Variants in WWOX observed in about 807,000 individuals in gnomAD.
The protein encoded by WWOX is WW domain-containing oxidoreductase.
In WWOX, 69 loss-of-function variants were observed where a neutral mutation model predicts 46.2. The ratio of observed to expected loss-of-function variants is 1.49; its 90% CI spans 1.23 to 1.82. The LOEUF is 1.82. WWOX is among the 40% of genes most tolerant of loss of function. WWOX has a pLI of 0.00. For synonymous variants in WWOX, 359 were observed against 202.6 expected, an observed-to-expected ratio of 1.77 and a Z score of -6.56; for missense variants, 919 against 542.6, an observed-to-expected ratio of 1.69 and a Z score of -6.89.
chr16:78,263,173 G>A (rs370073429), intron 5 of WWOX, among the ~76,000 whole-genome samples: 1 of 152,180 alleles, frequency 6.6e-6, no homozygotes, highest in African/African-American at 2.4e-5. Flanking sequence ...CCAGGAGATG[G>A]AGGTTGCAGT....
intron 8 of WWOX, among the ~76,000 whole-genome samples, chr16:79,113,500 A>G (rs1170258526): frequency 6.6e-6 from 1 of 152,252 alleles, no homozygotes; most frequent in East Asian, 1.9e-4. Flanking sequence ...TAATACAATT[A>G]TTCATTGTAT....
At chr16:78,435,498 T>G (rs375413258) in intron 8 of WWOX, among the ~76,000 whole-genome samples, 4 of 152,300 alleles carry the variant, frequency 2.6e-5, no homozygotes, top group Non-Finnish European at 5.9e-5. Flanking sequence ...TTTAGATCCC[T>G]GAGTGAGAAA....
chr16:78,229,773 G>T (rs1158432568), intron 5 of WWOX, among the ~76,000 whole-genome samples: 1 of 152,082 alleles, frequency 6.6e-6, no homozygotes, highest in Non-Finnish European at 1.5e-5. Flanking sequence ...GTGCCTTGAT[G>T]AGTACCTCCT....
At chr16:78,794,693 T>C (rs2050692926) in intron 8 of WWOX, among the ~76,000 whole-genome samples, 1 of 152,246 alleles carries the variant, frequency 6.6e-6, no homozygotes, top group Non-Finnish European at 1.5e-5. Flanking sequence ...AGCTGTTATC[T>C]TTGTCATTAC....
chr16:78,725,403 A>C (rs1324754610), intron 8 of WWOX, among the ~76,000 whole-genome samples: 2 of 119,706 alleles, frequency 1.7e-5, no homozygotes, highest in Admixed American at 2.5e-4. Flanking sequence ...GCTGGAGTGC[A>C]GTGGTGCAAT....
intron 8 of WWOX, among the ~76,000 whole-genome samples, chr16:79,031,000 G>A (rs1179190689): frequency 6.6e-6 from 1 of 151,316 alleles, no homozygotes; most frequent in Non-Finnish European, 1.5e-5. Context: ...GCTGTGATGG[G>A]AGAATCACCC....
intron 8 of WWOX, chr16:78,691,193 G>C (rs892967232): frequency 4.3e-5 from 30 of 700,996 alleles, no homozygotes; most frequent in African/African-American, 3.5e-4. Flanking sequence ...AATAGATGTA[G>C]GTCCAGCGCC....
At chr16:79,184,452 C>T (rs1305304925) in intron 8 of WWOX, among the ~76,000 whole-genome samples, 3 of 152,172 alleles carry the variant, frequency 2.0e-5, no homozygotes, top group Non-Finnish European at 4.4e-5. Context: ...ATTTCCACGC[C>T]TTGTATGTTT....
At chr16:78,733,902 C>G (rs1431960451) in intron 8 of WWOX, among the ~76,000 whole-genome samples, 1 of 151,848 alleles carries the variant, frequency 6.6e-6, no homozygotes, top group African/African-American at 2.4e-5. Flanking sequence ...CTCATCTCTA[C>G]AAAAAATAAA....
intron 8 of WWOX, among the ~76,000 whole-genome samples, chr16:78,576,915 C>T (rs552389569): frequency 6.6e-6 from 1 of 152,188 alleles, no homozygotes; most frequent in Non-Finnish European, 1.5e-5. Flanking sequence ...CCCACACTAC[C>T]ATCTGCTCAC....
At chr16:78,446,226 G>C (rs2083558225) in intron 8 of WWOX, among the ~76,000 whole-genome samples, 1 of 152,218 alleles carries the variant, frequency 6.6e-6, no homozygotes, top group Non-Finnish European at 1.5e-5. Flanking sequence ...CCATGTTCCA[G>C]AGAGTATTTT....
chr16:78,976,562 C>G (rs1288217441), intron 8 of WWOX, among the ~76,000 whole-genome samples: 1 of 152,198 alleles, frequency 6.6e-6, no homozygotes, highest in African/African-American at 2.4e-5. Flanking sequence ...TGATCTAGGT[C>G]TCAGCCTGGG....
intron 8 of WWOX, chr16:78,551,662 C>T (rs2044176273): frequency 6.6e-6 from 1 of 151,716 alleles, no homozygotes; most frequent in Non-Finnish European, 1.5e-5. Context: ...CCCACCTGCC[C>T]CCGCCCCGTT....
chr16:78,458,409 G>A, intron 8 of WWOX, among the ~76,000 whole-genome samples: 1 of 151,932 alleles, frequency 6.6e-6, no homozygotes, highest in East Asian at 1.9e-4. Context: ...TATTGGCAAT[G>A]CCACCATGTT....
chr16:78,256,959 C>T (rs2038148705), intron 5 of WWOX, among the ~76,000 whole-genome samples: 1 of 152,018 alleles, frequency 6.6e-6, no homozygotes, highest in Non-Finnish European at 1.5e-5. Flanking sequence ...TCAGACAGGT[C>T]TAGATGCATT....
At chr16:78,154,477 T>A (rs1276355729) in intron 4 of WWOX, among the ~76,000 whole-genome samples, 2 of 132,980 alleles carry the variant, frequency 1.5e-5, no homozygotes, top group South Asian at 2.5e-4. Context: ...TGCTCCCCAA[T>A]CCTTGATCTT....
rs33931881 is a variant in WWOX at position 78,147,675 on chromosome 16, CTT to C, written c.410-16488_410-16487del. On this transcript the variant is annotated intron_variant, in intron 4 of 8. Coordinates refer to ENST00000566780, the MANE Select transcript of WWOX (RefSeq NM_016373.4). ...TCTGAATTTTTCTTTTTCTTTCTTC[CTT>C]TTTTTTTTTTTTTTTTTTTAAAAAA... 1.5e-3 allele frequency among the ~76,000 whole-genome samples: 134 copies of C among 90,632 alleles called. 1 individual carries two copies. The highest frequency in any genetic ancestry group is 5.6e-3 in the African/African-American group (122 of 21,816). 59.5% of individuals were successfully genotyped at this position (90,632 alleles called of 152,430 possible). A position where few individuals can be genotyped will look rare whatever the true frequency, so the allele number is the denominator to read the frequency against.
At chr16:78,351,213 C>A (rs930208441) in intron 5 of WWOX, among the ~76,000 whole-genome samples, 2 of 152,202 alleles carry the variant, frequency 1.3e-5, no homozygotes, top group African/African-American at 4.8e-5. Flanking sequence ...AGGAAAGATT[C>A]ACATCCCCAA....
At chr16:78,318,273 T>G (rs2080394603) in intron 5 of WWOX, among the ~76,000 whole-genome samples, 1 of 42,162 alleles carries the variant, frequency 2.4e-5, no homozygotes, top group Non-Finnish European at 3.8e-5. Context: ...CTGGGAGGAA[T>G]TTTTTTTTTT....
Sources: allele counts gnomAD v4.1 joint callset (sites outside exome capture counted in the v4.1 genomes callset), GRCh38; gene constraint gnomAD v4.1.1; transcripts MANE v1.5; gene names NCBI Gene and HGNC (gene_info 2026-07-23, HGNC 2026-07-21).